The following SFSWAP variants were observed in gnomAD, a reference collection of about 807,000 sequenced individuals.
The protein encoded by SFSWAP is splicing factor, suppressor of white-apricot homolog.
In SFSWAP, 17 loss-of-function variants were observed where a neutral mutation model predicts 100.7. That is an observed-to-expected ratio of 0.17 (90% CI 0.12 to 0.25). SFSWAP has a LOEUF of 0.25. SFSWAP is among the 10% of genes least tolerant of loss of function. The pLI, the probability that SFSWAP is intolerant of heterozygous loss-of-function variation, is 1.00. For missense variants in SFSWAP, 1,005 were observed against 1,262.6 expected (o/e 0.80, Z 3.09); for synonymous variants, 504 against 510.1 (o/e 0.99, Z 0.16).
chr12:131,733,522 C>G lies in SFSWAP; in HGVS notation c.1081+5094C>G, dbSNP rs1879709670. Among the ~76,000 whole-genome samples the G allele has an allele frequency of 6.6e-6, 1 of 152,028 alleles. No homozygotes were observed. The highest frequency in any genetic ancestry group is 1.5e-5 in the Non-Finnish European group (1 of 68,004). On this transcript the variant is annotated intron_variant, in intron 7 of 17. Transcript: ENST00000261674. This position sits in a 1 kb window ranked among gnomAD's most constrained non-coding sequence, Gnocchi z 5.1. Reference sequence around the variant, plus strand: ...AGGGCCACAGGAGCAGGGCTTCCTCCTTGCCTCTGAGCAGTGGAGCCAAGG... The same window carrying G: ...AGGGCCACAGGAGCAGGGCTTCCTCGTTGCCTCTGAGCAGTGGAGCCAAGG...
chr12:131,799,660 T>C lies in SFSWAP; in HGVS notation c.*172T>C, dbSNP rs1004684318. ...GATTTCTGACCAGCAGTCTCTTACC[T>C]GTATATTTGTAAATATATCATGTTT... On this transcript the variant is annotated 3_prime_UTR_variant, in exon 18 of 18. Coordinates refer to ENST00000261674, the MANE Select transcript of SFSWAP (RefSeq NM_004592.4). The C allele has an allele frequency of 1.2e-5, 7 of 592,854 alleles. No homozygotes were observed. Among genetic ancestry groups the C allele is most frequent in the Non-Finnish European group, 2.1e-5 (7 of 335,480 alleles). 36.7% of individuals were successfully genotyped at this position (592,854 alleles called of 1,614,324 possible).
chr12:131,786,520 G>A lies in SFSWAP; in HGVS notation c.2466G>A (p.Glu822=), dbSNP rs1884901201. The stretch of plus-strand genomic sequence containing the variant: ...ACTCCCCTGAGAGACGGAGGGAAGA[G>A]AGGAGTGTGCCCACTGCCTACCGCG... ...RAHSPERRRE[E]RSVPTAYRVS... Residue 822 remains glutamate, a synonymous_variant, in exon 15 of 18, where the codon GAG becomes GAA. Coordinates refer to ENST00000261674, the MANE Select transcript of SFSWAP (RefSeq NM_004592.4). 1.3e-6 allele frequency: 2 copies of A among 1,587,704 alleles called. No homozygotes were observed. The highest frequency in any genetic ancestry group is 1.8e-5 in the Admixed American group (1 of 55,982).
intron 7 of SFSWAP, among the ~76,000 whole-genome samples, chr12:131,748,572 C>G (rs567756241): frequency 1.3e-5 from 2 of 152,354 alleles, no homozygotes; most frequent in African/African-American, 2.4e-5. Flanking sequence ...GAGTTCTGTT[C>G]TGTGTGTTAA....
intron 7 of SFSWAP, among the ~76,000 whole-genome samples, chr12:131,745,756 T>C (rs80327743): frequency 3.4e-5 from 5 of 147,320 alleles, no homozygotes; most frequent in Non-Finnish European, 7.6e-5. Flanking sequence ...TAGTAAGGCT[T>C]TTTTTTTTTT....
At chr12:131,775,991 A>G (rs1433780445) in intron 13 of SFSWAP, among the ~76,000 whole-genome samples, 2 of 151,972 alleles carry the variant, frequency 1.3e-5, no homozygotes, top group Non-Finnish European at 2.9e-5. Context: ...AATCCCAGCT[A>G]CTCAGGAGGC....
intron 13 of SFSWAP, among the ~76,000 whole-genome samples, chr12:131,770,353 C>G (rs1055802339): frequency 2.6e-5 from 4 of 152,186 alleles, no homozygotes; most frequent in African/African-American, 9.7e-5. Context: ...CATGGCACCC[C>G]CAGGTCTGTC....
chr12:131,791,927 G>T (rs1885257984), intron 15 of SFSWAP, among the ~76,000 whole-genome samples: 1 of 152,248 alleles, frequency 6.6e-6, no homozygotes, highest in Non-Finnish European at 1.5e-5. Flanking sequence ...GTGCACCCGT[G>T]TGTGTTCACG....
At chr12:131,737,329 C>G (rs541217598) in intron 7 of SFSWAP, among the ~76,000 whole-genome samples, 5 of 152,324 alleles carry the variant, frequency 3.3e-5, no homozygotes, top group African/African-American at 1.2e-4. Context: ...CAGTGGCCAG[C>G]ACAGAGAGGG....
Position 131,760,861 on chromosome 12 carries a change from C to T in SFSWAP, c.1721-3595C>T, listed in dbSNP as rs531345898. ...GGCCGAGGGGGGCAGATCACGAAGT[C>T]GGGATTTCGAGACCAGCCTGGTCAA... On this transcript the variant is annotated intron_variant, in intron 11 of 17. Transcript: ENST00000261674. 7.2e-5 allele frequency among the ~76,000 whole-genome samples: 11 copies of T among 152,242 alleles called. No homozygotes were observed. The South Asian group carries it at 8.3e-4, about 11-fold the overall frequency.
chr12:131,711,430 C>T lies in SFSWAP; in HGVS notation c.201C>T (p.His67=). ...GQHLIPWMGD[H]KILIDRYDGR... is the part of the protein sequence containing the mutation. ...ACCTCATCCCCTGGATGGGGGACCA[C>T]AAGATCCTCATCGACAGGTCGGTTC... Residue 67 remains histidine (H), a synonymous_variant, in exon 1 of 18, where the codon CAC becomes CAT. Transcript: ENST00000261674. The surrounding 1 kb of genome is among the most constrained non-coding windows in gnomAD (Gnocchi z 4.9). 1.9e-6 allele frequency: 3 copies of T among 1,613,196 alleles called. No individual in the cohort carries two copies. Among genetic ancestry groups the T allele is most frequent in the Non-Finnish European group, 2.5e-6 (3 of 1,179,730 alleles).
At chr12:131,756,702 G>T in intron 11 of SFSWAP, 58 bp downstream of exon 11, 1 of 1,440,768 alleles carries the variant, frequency 6.9e-7, no homozygotes, top group Non-Finnish European at 9.3e-7. Flanking sequence ...GCAAGCGTAG[G>T]ATCCTCGGTG....
intron 7 of SFSWAP, among the ~76,000 whole-genome samples, chr12:131,751,300 G>A (rs1029845473): frequency 2.0e-5 from 3 of 152,222 alleles, no homozygotes; most frequent in African/African-American, 7.2e-5. Context: ...GTTTGTTTTT[G>A]TGAATTCAGA....
intron 15 of SFSWAP, chr12:131,796,616 T>G (rs1370699687): frequency 1.3e-5 from 2 of 152,664 alleles, no homozygotes; most frequent in Admixed American, 6.5e-5. Context: ...TGAGACCCCA[T>G]CTCTTAAGAA....
chr12:131,768,459 G>A (rs1012155341), intron 13 of SFSWAP, among the ~76,000 whole-genome samples: 31 of 152,230 alleles, frequency 2.0e-4, no homozygotes, highest in African/African-American at 6.7e-4. Context: ...TCTTGTTTTG[G>A]GAGTCAGTCT....
At position 131,734,784 on chromosome 12, in the gene SFSWAP, G is replaced by A. The variant is rs555937686; in HGVS notation, c.1081+6356G>A. ...GATCCAACTGACAGGTGAGATGAAC[G>A]AGCTCTCCCTGCGTGCGCACGTCTA... On this transcript the variant is annotated intron_variant, in intron 7 of 17. Transcript: ENST00000261674. The surrounding 1 kb of genome is among the most constrained non-coding windows in gnomAD (Gnocchi z 4.9). 6.6e-5 allele frequency among the ~76,000 whole-genome samples: 10 copies of A among 152,310 alleles called. No homozygotes were observed. Among genetic ancestry groups the A allele is most frequent in the South Asian group, 4.1e-4 (2 of 4,820 alleles).
intron 6 of SFSWAP, 25 bp downstream of exon 6, chr12:131,727,077 AT>A: frequency 7.5e-7 from 1 of 1,340,738 alleles, no homozygotes; most frequent in Non-Finnish European, 1.1e-6. Context: ...GTTGAACTAT[AT>A]TTTTATGCCA....
At chr12:131,779,564 C>T (rs1397831676) in intron 14 of SFSWAP, among the ~76,000 whole-genome samples, 2 of 152,184 alleles carry the variant, frequency 1.3e-5, no homozygotes, top group East Asian at 1.9e-4. Context: ...ACCTTGGGTT[C>T]GCTGCTGAAC....
chr12:131,720,395 C>T (rs1878356371), intron 4 of SFSWAP, among the ~76,000 whole-genome samples: 1 of 152,200 alleles, frequency 6.6e-6, no homozygotes, highest in Admixed American at 6.5e-5. Context: ...ATGCCATCTT[C>T]AGTCACCGTG....
intron 16 of SFSWAP, among the ~76,000 whole-genome samples, chr12:131,798,275 G>C (rs1473806910): frequency 6.6e-6 from 1 of 152,184 alleles, no homozygotes; most frequent in Non-Finnish European, 1.5e-5. Flanking sequence ...CTGCACATCA[G>C]CCTGGGTGAC....
Sources: gnomAD v4.1 joint callset for allele counts (sites outside exome capture counted in the v4.1 genomes callset) on GRCh38, gnomAD v4.1.1 for gene constraint, Gnocchi (gnomAD v3.1) non-coding constraint, MANE v1.5 for transcripts, NCBI Gene and HGNC (gene_info 2026-07-23, HGNC 2026-07-21) for gene names.